The following ATRX variants were observed in gnomAD, a reference collection of about 807,000 sequenced individuals.
ATRX encodes ATRX chromatin remodeler.
Under a neutral mutation model 172.6 loss-of-function variants are expected in ATRX, and 12 were observed. That is an observed-to-expected ratio of 0.07 (90% confidence interval 0.04 to 0.11). The LOEUF is 0.11. ATRX is among the 10% of genes least tolerant of loss of function. The pLI, the probability that ATRX is intolerant of heterozygous loss-of-function variation, is 1.00. For synonymous variants in ATRX, 674 were observed against 594.7 expected (o/e 1.13, Z -1.94); for missense variants, 1,368 against 1,767.4 (o/e 0.77, Z 4.05).
chrX:77,786,056 T>TC lies in ATRX; in HGVS notation c.-56dup, dbSNP rs2148995539. ...GTGATTGCTGGGCGCCGATCTGCGC[T>TC]CCCCCGCGCCCGGTTACGATAGAAA... On this transcript the variant is annotated 5_prime_UTR_variant, in exon 1 of 35. Coordinates refer to ENST00000373344, the MANE Select transcript of ATRX (RefSeq NM_000489.6). 1 of 1,143,754 alleles carries TC rather than the reference T, an allele frequency of 8.7e-7. No homozygotes were observed. Among genetic ancestry groups the TC allele is most frequent in the East Asian group, 3.2e-5 (1 of 31,028 alleles). 94.3% of individuals were successfully genotyped at this position (1,143,754 alleles called of 1,213,427 possible).
At chrX:77,772,625 C>T (rs2076196506) in intron 1 of ATRX, among the ~76,000 whole-genome samples, 1 of 107,879 alleles carries the variant, frequency 9.3e-6, no homozygotes, top group African/African-American at 3.4e-5. Flanking sequence ...TTCAGGCATA[C>T]ACCACCATGC....
chrX:77,639,727 G>A (rs1386418292), intron 15 of ATRX, among the ~76,000 whole-genome samples: 1 of 112,217 alleles, frequency 8.9e-6, no homozygotes, highest in African/African-American at 3.2e-5. Flanking sequence ...AAATGTAGGA[G>A]GAGATAAGTT....
intron 1 of ATRX, among the ~76,000 whole-genome samples, chrX:77,738,059 G>A (rs2074678855): frequency 9.0e-6 from 1 of 111,331 alleles, no homozygotes. Flanking sequence ...TTCCGGCTGG[G>A]TGCAGTGGCT....
In ATRX at chrX:77,505,121, T is replaced by A; in HGVS notation, c.*3230A>T. 5.8e-6 allele frequency: 1 copy of A among 172,149 alleles called. No homozygotes were observed. Among genetic ancestry groups the A allele is most frequent in the East Asian group, 8.4e-5 (1 of 11,964 alleles). The allele number at this position is 172,149 out of a possible 1,213,427, so 14.2% of individuals were successfully genotyped here. Reference sequence around the variant, plus strand: ...AATACCCTGAACATAATTTTTAGTATAATAAACATGTAAAAGGATTGACCT... The same window carrying A: ...AATACCCTGAACATAATTTTTAGTAAAATAAACATGTAAAAGGATTGACCT... On this transcript the variant is annotated 3_prime_UTR_variant, in exon 35 of 35. Coordinates refer to ENST00000373344, the MANE Select transcript of ATRX (RefSeq NM_000489.6).
At chrX:77,736,798 C>G (rs2074588130) in intron 1 of ATRX, among the ~76,000 whole-genome samples, 1 of 111,724 alleles carries the variant, frequency 9.0e-6, no homozygotes, top group Non-Finnish European at 1.9e-5. Context: ...TTCCCAATAG[C>G]CAGGTTTGGA....
intron 15 of ATRX, among the ~76,000 whole-genome samples, chrX:77,651,673 C>T (rs1768890350): frequency 9.0e-6 from 1 of 110,992 alleles, no homozygotes; most frequent in Admixed American, 9.6e-5. Context: ...GCCTGGCCAA[C>T]ATGGTGAAAC....
At chrX:77,525,004 C>G (rs1020322489) in intron 30 of ATRX, among the ~76,000 whole-genome samples, 1 of 111,158 alleles carries the variant, frequency 9.0e-6, no homozygotes, top group Non-Finnish European at 1.9e-5. Flanking sequence ...CTTGATCTCC[C>G]AAAATACTGA....
In ATRX at chrX:77,578,277, G is replaced by C. The variant is rs782021928; in HGVS notation, c.6218-3919C>G. 2.7e-3 allele frequency among the ~76,000 whole-genome samples: 297 copies of C among 111,751 alleles called. 1 individual carries two copies. The highest frequency in any genetic ancestry group is 8.8e-3 in the African/African-American group (270 of 30,753). On this transcript the variant is annotated intron_variant, in intron 27 of 34. Coordinates refer to ENST00000373344, the MANE Select transcript of ATRX (RefSeq NM_000489.6). ...AAGTCCTAGTGCTGTAAAGGGCTTGGAGCCAGTAAAATGGGGGCACTTGAC... is the reference window on the plus strand; with the variant it reads ...AAGTCCTAGTGCTGTAAAGGGCTTGCAGCCAGTAAAATGGGGGCACTTGAC...
At chrX:77,669,352 G>T (rs1380890494) in intron 10 of ATRX, among the ~76,000 whole-genome samples, 1 of 109,252 alleles carries the variant, frequency 9.2e-6, no homozygotes, top group East Asian at 2.8e-4. Context: ...CTGTCACCCA[G>T]GCTGAAGTGC....
rs781889849 is a variant in ATRX, at chrX:77,603,757, C to T, written c.5567-3193G>A. Among the ~76,000 whole-genome samples, 59 of 111,395 alleles carry T rather than the reference C, an allele frequency of 5.3e-4. No individual in the cohort carries two copies. In the South Asian group the frequency reaches 0.014, roughly 26 times the overall value. On this transcript the variant is annotated intron_variant, in intron 22 of 34. Coordinates refer to ENST00000373344, the MANE Select transcript of ATRX (RefSeq NM_000489.6). Reference sequence around the variant, plus strand: ...CCCTACAAGGCTACAGTAACCAAAACAGCATGGTACTGGTATAAAAATAGA... The same window carrying T: ...CCCTACAAGGCTACAGTAACCAAAATAGCATGGTACTGGTATAAAAATAGA...
intron 30 of ATRX, among the ~76,000 whole-genome samples, chrX:77,530,440 C>T (rs1205638014): frequency 9.1e-6 from 1 of 110,340 alleles, no homozygotes; most frequent in Non-Finnish European, 1.9e-5. Flanking sequence ...AACCCCATCT[C>T]TACTAAAAAA....
At chrX:77,583,165 A>T (rs1208145979) in intron 27 of ATRX, among the ~76,000 whole-genome samples, 1 of 111,807 alleles carries the variant, frequency 8.9e-6, no homozygotes, top group Non-Finnish European at 1.9e-5. Context: ...ATCTCCAGGG[A>T]TGCAAGAATA....
intron 2 of ATRX, chrX:77,698,989 C>A: frequency 5.2e-6 from 1 of 192,854 alleles, no homozygotes; most frequent in Non-Finnish European, 9.6e-6. Context: ...CCATAAAATA[C>A]TGGGAAAATA....
intron 27 of ATRX, among the ~76,000 whole-genome samples, chrX:77,587,175 C>T (rs2066057869): frequency 9.0e-6 from 1 of 111,558 alleles, no homozygotes; most frequent in South Asian, 3.7e-4. Flanking sequence ...ATAATACTTT[C>T]ATAATCAGGA....
rs782535401 is a variant in ATRX at position 77,560,740 on chromosome X, C to T, written c.6327-1894G>A. On this transcript the variant is annotated intron_variant, in intron 28 of 34. Coordinates refer to ENST00000373344, the MANE Select transcript of ATRX (RefSeq NM_000489.6). ...ATCATATTATATACTAAAGAAAAATCCTGGTATAAAATAAATAGAGATACT... is the reference window on the plus strand; with the variant it reads ...ATCATATTATATACTAAAGAAAAATTCTGGTATAAAATAAATAGAGATACT... Among the ~76,000 whole-genome samples, 14 of 110,956 alleles carry T rather than the reference C, an allele frequency of 1.3e-4. No individual in the cohort carries two copies. The South Asian group carries it at 5.3e-3, about 42-fold the overall frequency.
At chrX:77,590,454 C>CA (rs1269112751) in intron 26 of ATRX, among the ~76,000 whole-genome samples, 3 of 107,904 alleles carry the variant, frequency 2.8e-5, no homozygotes, top group Non-Finnish European at 5.8e-5. Flanking sequence ...ACTAAAAATA[C>CA]AAAAAAAATA....
chrX:77,525,896 TA>T lies in ATRX; in HGVS notation c.6700-2496del, dbSNP rs2063365982. Among the ~76,000 whole-genome samples the T allele has an allele frequency of 4.4e-5, 5 of 112,500 alleles. No individual in the cohort carries two copies. The Admixed American group carries it at 4.7e-4, about 11-fold the overall frequency. ...AACACAATTTATAACATTAATTATA[TA>T]TTTAATGGTTGGAGGGGAAGCCTTT... On this transcript the variant is annotated intron_variant, in intron 30 of 34. Coordinates refer to ENST00000373344, the MANE Select transcript of ATRX (RefSeq NM_000489.6).
At chrX:77,517,240 A>T (rs1044165241) in intron 34 of ATRX, among the ~76,000 whole-genome samples, 3 of 111,712 alleles carry the variant, frequency 2.7e-5, no homozygotes, top group Non-Finnish European at 5.7e-5. Flanking sequence ...ATAAATAAAA[A>T]GTTGGTTTTT....
At chrX:77,757,719 T>C (rs1264594043) in intron 1 of ATRX, among the ~76,000 whole-genome samples, 1 of 107,730 alleles carries the variant, frequency 9.3e-6, no homozygotes, top group Non-Finnish European at 1.9e-5. Context: ...TCGCCCAGGC[T>C]GGAGTGCAGT....
Sources: gnomAD v4.1 joint callset for allele counts (sites outside exome capture counted in the v4.1 genomes callset) on GRCh38, gnomAD v4.1.1 for gene constraint, MANE v1.5 for transcripts, NCBI Gene and HGNC (gene_info 2026-07-23, HGNC 2026-07-21) for gene names.